The following TTC7B variants were observed in gnomAD, a reference collection of about 807,000 sequenced individuals.
The protein encoded by TTC7B is tetratricopeptide repeat protein 7B.
Under a neutral mutation model 106.8 loss-of-function variants are expected in TTC7B, and 28 were observed. That is an observed-to-expected ratio of 0.26 (90% CI 0.19 to 0.36). The LOEUF is 0.36. Ranked by LOEUF, TTC7B falls within the 10% of genes least tolerant of loss-of-function variation. The probability of loss-of-function intolerance (pLI) is 1.00; values close to 1 mark genes in which losing one functional copy is unlikely to be tolerated. For missense variants in TTC7B, 862 were observed against 1,076.4 expected (o/e 0.80, Z 2.79); for synonymous variants, 405 against 430.6 (o/e 0.94, Z 0.74).
At chr14:90,769,032 G>A (rs1373969560) in intron 3 of TTC7B, among the ~76,000 whole-genome samples, 2 of 152,064 alleles carry the variant, frequency 1.3e-5, no homozygotes, top group African/African-American at 2.4e-5. Context: ...TTGTGACATC[G>A]GTAACAGAAA....
intron 15 of TTC7B, among the ~76,000 whole-genome samples, chr14:90,621,641 A>G (rs1309075556): frequency 6.6e-6 from 1 of 152,220 alleles, no homozygotes; most frequent in Non-Finnish European, 1.5e-5. Context: ...AAGCCACACA[A>G]TTGTAGGCAG....
intron 1 of TTC7B, among the ~76,000 whole-genome samples, chr14:90,788,483 C>T (rs933204375): frequency 1.3e-5 from 2 of 152,108 alleles, no homozygotes; most frequent in African/African-American, 2.4e-5. Context: ...GAAAGCAATA[C>T]GTTGCAAAAA....
intron 5 of TTC7B, among the ~76,000 whole-genome samples, chr14:90,729,504 C>T (rs1662548080): frequency 6.6e-6 from 1 of 152,214 alleles, no homozygotes; most frequent in South Asian, 2.1e-4. Context: ...AGATTTGGAA[C>T]AGAATCAGCA....
intron 15 of TTC7B, among the ~76,000 whole-genome samples, chr14:90,628,418 T>C (rs534848302): frequency 2.3e-4 from 35 of 152,270 alleles, no homozygotes; most frequent in African/African-American, 7.9e-4. Context: ...AAGGCCCTGA[T>C]TTCTCCACAT....
Position 90,752,405 on chromosome 14 carries a change from G to A in TTC7B, c.446-7483C>T, listed in dbSNP as rs117156335. 8.8e-3 allele frequency among the ~76,000 whole-genome samples: 1,337 copies of A among 152,210 alleles called. 11 individuals are homozygous for A. The highest frequency in any genetic ancestry group is 0.014 in the Middle Eastern group (4 of 294). ...GATTCAGGCTCAATACCTCTGACAG[G>A]GAGCTATTTTCTCTCCCCAAGGCCT... On this transcript the variant is annotated intron_variant, in intron 3 of 19. Transcript: ENST00000328459.
chr14:90,604,545 T>A (rs1892562910), intron 17 of TTC7B, among the ~76,000 whole-genome samples: 1 of 152,194 alleles, frequency 6.6e-6, no homozygotes, highest in South Asian at 2.1e-4. Flanking sequence ...CATCAAAAGA[T>A]ATGCACATTA....
At chr14:90,811,623 T>C (rs1002782670) in intron 1 of TTC7B, among the ~76,000 whole-genome samples, 8 of 152,226 alleles carry the variant, frequency 5.3e-5, no homozygotes, top group African/African-American at 1.9e-4. Context: ...CTCTTCTTCA[T>C]GGCCTGAAAA....
At chr14:90,746,006 A>T (rs1889955619) in intron 3 of TTC7B, among the ~76,000 whole-genome samples, 1 of 152,014 alleles carries the variant, frequency 6.6e-6, no homozygotes, top group South Asian at 2.1e-4. Context: ...CCTGGCCTCA[A>T]ATTTTGTCAT....
At chr14:90,569,210 T>C (rs1430631634) in intron 19 of TTC7B, among the ~76,000 whole-genome samples, 1 of 152,198 alleles carries the variant, frequency 6.6e-6, no homozygotes, top group East Asian at 1.9e-4. Flanking sequence ...GCCTCGGTGC[T>C]GTGGAAAGCA....
At chr14:90,677,202 T>C (rs1375420688) in intron 8 of TTC7B, among the ~76,000 whole-genome samples, 2 of 152,198 alleles carry the variant, frequency 1.3e-5, no homozygotes, top group Non-Finnish European at 1.5e-5. Flanking sequence ...CTATATGACA[T>C]CTTCACTGGA....
chr14:90,617,918 T>C lies in TTC7B; in HGVS notation c.1868+11A>G. 1 of 1,607,974 alleles carries C rather than the reference T, an allele frequency of 6.2e-7. No individual in the cohort carries two copies. Among genetic ancestry groups the C allele is most frequent in the Non-Finnish European group, 8.5e-7 (1 of 1,174,690 alleles). The stretch of plus-strand genomic sequence containing the variant: ...AAAAGCCACGCAAAGCAGGCCCTGC[T>C]GGCCTCTTACCTGGGGTTGGTGAGG... On this transcript the variant is annotated intron_variant, in intron 16 of 19. Coordinates refer to ENST00000328459, the MANE Select transcript of TTC7B (RefSeq NM_001010854.2).
intron 5 of TTC7B, among the ~76,000 whole-genome samples, chr14:90,726,494 C>A (rs774622672): frequency 6.6e-6 from 1 of 152,218 alleles, no homozygotes; most frequent in Non-Finnish European, 1.5e-5. Flanking sequence ...TCTGGTCCCA[C>A]TTTCAGCTGG....
chr14:90,572,995 G>C (rs567296905), intron 19 of TTC7B, among the ~76,000 whole-genome samples: 1 of 152,076 alleles, frequency 6.6e-6, no homozygotes, highest in East Asian at 1.9e-4. Context: ...CCTTCTCCTT[G>C]GTGAGCTTCA....
In TTC7B at chr14:90,570,812, A is replaced by G. The variant is rs902777615; in HGVS notation, c.2310+7294T>C. Among the ~76,000 whole-genome samples, 2 of 152,208 alleles carry G rather than the reference A, an allele frequency of 1.3e-5. No homozygotes were observed. Among genetic ancestry groups the G allele is most frequent in the African/African-American group, 4.8e-5 (2 of 41,460 alleles). Reference sequence around the variant, plus strand: ...CCCTGCTAACTCATTTAACCCGCACAGCAACACCACCGGGCACTGTTATTA... The same window carrying G: ...CCCTGCTAACTCATTTAACCCGCACGGCAACACCACCGGGCACTGTTATTA... On this transcript the variant is annotated intron_variant, in intron 19 of 19. Coordinates refer to ENST00000328459, the MANE Select transcript of TTC7B (RefSeq NM_001010854.2). The surrounding 1 kb of genome is among the most constrained non-coding windows in gnomAD (Gnocchi z 4.0).
intron 15 of TTC7B, among the ~76,000 whole-genome samples, chr14:90,640,211 G>C (rs1864727172): frequency 1.3e-5 from 2 of 152,024 alleles, no homozygotes; most frequent in African/African-American, 2.4e-5. Flanking sequence ...GTTTGAGAAT[G>C]CAGTGAGCTG....
intron 4 of TTC7B, among the ~76,000 whole-genome samples, chr14:90,730,656 G>A (rs1333795276): frequency 6.6e-6 from 1 of 152,162 alleles, no homozygotes; most frequent in Non-Finnish European, 1.5e-5. Context: ...GATGAGTGCT[G>A]TGATCTGCAC....
chr14:90,696,246 T>C (rs1887742111), intron 5 of TTC7B, among the ~76,000 whole-genome samples: 1 of 152,140 alleles, frequency 6.6e-6, no homozygotes, highest in South Asian at 2.1e-4. Context: ...GGGACACATT[T>C]GGTGACATGT....
At chr14:90,803,081 T>G (rs182877347) in intron 1 of TTC7B, among the ~76,000 whole-genome samples, 385 of 151,398 alleles carry the variant, frequency 2.5e-3, no homozygotes, top group Non-Finnish European at 4.1e-3. Flanking sequence ...AGGCAGAGGT[T>G]GCAGTGAGCT....
chr14:90,654,106 CCA>C (rs1345564260), intron 12 of TTC7B, among the ~76,000 whole-genome samples: 1 of 151,940 alleles, frequency 6.6e-6, no homozygotes, highest in African/African-American at 2.4e-5. Flanking sequence ...TACAACAAAA[CCA>C]TAAAGAAAAA....
Sources: gnomAD v4.1 joint callset for allele counts (sites outside exome capture counted in the v4.1 genomes callset) on GRCh38, gnomAD v4.1.1 for gene constraint, Gnocchi (gnomAD v3.1) non-coding constraint, MANE v1.5 for transcripts, NCBI Gene and HGNC (gene_info 2026-07-23, HGNC 2026-07-21) for gene names.